The following ZNF516 variants were observed in gnomAD, a reference collection of about 807,000 sequenced individuals.
ZNF516 encodes the protein zinc finger protein 516.
ZNF516 carries 19 observed loss-of-function variants against 79.7 expected under a neutral mutation model. That is an observed-to-expected ratio of 0.24 (90% CI 0.17 to 0.35). The LOEUF is 0.35. ZNF516 is among the 10% of genes least tolerant of loss of function. The probability of loss-of-function intolerance (pLI) is 1.00; values close to 1 mark genes in which losing one functional copy is unlikely to be tolerated. For missense variants in ZNF516, 1,678 were observed against 1,679.5 expected (o/e 1.00, Z 0.02); for synonymous variants, 877 against 739.5 (o/e 1.19, Z -3.02).
At chr18:76,404,805 T>C (rs912217888) in intron 3 of ZNF516, among the ~76,000 whole-genome samples, 3 of 151,126 alleles carry the variant, frequency 2.0e-5, no homozygotes, top group Non-Finnish European at 3.0e-5. Context: ...GTGTGCATGT[T>C]AGCATGTGTG....
At chr18:76,473,914 G>C (rs1599146271) in intron 1 of ZNF516, among the ~76,000 whole-genome samples, 1 of 137,046 alleles carries the variant, frequency 7.3e-6, no homozygotes, top group Admixed American at 7.2e-5. Flanking sequence ...GGGGGGGGGG[G>C]GGGCTTTCTT....
intron 1 of ZNF516, among the ~76,000 whole-genome samples, chr18:76,464,539 T>C (rs1055050168): frequency 9.2e-5 from 14 of 152,072 alleles, no homozygotes; most frequent in Admixed American, 8.5e-4. Flanking sequence ...TGCGCAGTGA[T>C]AGGGGACAGT....
chr18:76,417,843 A>G (rs2075451674), intron 3 of ZNF516, among the ~76,000 whole-genome samples: 2 of 152,252 alleles, frequency 1.3e-5, no homozygotes, highest in Non-Finnish European at 2.9e-5. Flanking sequence ...CTGAAAAATG[A>G]TATTTAAATA....
At chr18:76,480,655 TGGGATTACA>T (rs1234986070) in intron 1 of ZNF516, among the ~76,000 whole-genome samples, 2 of 152,022 alleles carry the variant, frequency 1.3e-5, no homozygotes, top group Admixed American at 1.3e-4. Context: ...CCCAAGTAGC[TGGGATTACA>T]GGCACCCGCC....
Position 76,433,596 on chromosome 18 carries a change from C to T in ZNF516, c.1810+7649G>A, listed in dbSNP as rs1001100817. Among the ~76,000 whole-genome samples, 4 of 152,232 alleles carry T rather than the reference C, an allele frequency of 2.6e-5. No homozygotes were observed. In the South Asian group the frequency reaches 6.2e-4, roughly 24 times the overall value. On this transcript the variant is annotated intron_variant, in intron 3 of 6. Coordinates refer to ENST00000443185, the MANE Select transcript of ZNF516 (RefSeq NM_014643.4). ...GAGCCTTGAGTCTGGGCATAGCATC[C>T]GGGTCACAGCAAGGTGGAGAGGGGA...
intron 3 of ZNF516, among the ~76,000 whole-genome samples, chr18:76,440,797 G>A (rs1190096792): frequency 2.6e-5 from 4 of 151,468 alleles, no homozygotes; most frequent in African/African-American, 9.7e-5. Flanking sequence ...GGTGAGAACT[G>A]GGTCTGAAGC....
intron 3 of ZNF516, among the ~76,000 whole-genome samples, chr18:76,438,134 A>G (rs2075768024): frequency 6.6e-6 from 1 of 152,254 alleles, no homozygotes; most frequent in South Asian, 2.1e-4. Context: ...TGGCCTGGGC[A>G]CCAGGCATCC....
intron 2 of ZNF516, among the ~76,000 whole-genome samples, chr18:76,449,983 T>C (rs922826092): frequency 5.3e-5 from 8 of 152,224 alleles, no homozygotes; most frequent in East Asian, 1.9e-4. Flanking sequence ...GAACTCTTCG[T>C]AGAAATTAAA....
chr18:76,366,431 C>G (rs1181968066), intron 6 of ZNF516, among the ~76,000 whole-genome samples: 2 of 152,218 alleles, frequency 1.3e-5, no homozygotes, highest in African/African-American at 2.4e-5. Flanking sequence ...ACACTTTTCT[C>G]AAACTCACGG....
intron 1 of ZNF516, among the ~76,000 whole-genome samples, chr18:76,466,828 T>C (rs1321077369): frequency 6.6e-6 from 1 of 152,148 alleles, no homozygotes; most frequent in African/African-American, 2.4e-5. Flanking sequence ...GGAGACAGGA[T>C]GACACAGAAG....
chr18:76,381,657 C>T (rs150284165), intron 3 of ZNF516, among the ~76,000 whole-genome samples: 25 of 152,262 alleles, frequency 1.6e-4, no homozygotes, highest in Middle Eastern at 6.8e-3. Context: ...CTGAGGGACA[C>T]GGTAACAAAT....
In ZNF516 at chr18:76,442,196, C is replaced by T. The variant is rs1410463876; in HGVS notation, c.859G>A (p.Glu287Lys). 1 of 1,613,766 alleles carries T rather than the reference C, an allele frequency of 6.2e-7. No homozygotes were observed. Among genetic ancestry groups the T allele is most frequent in the Non-Finnish European group, 8.5e-7 (1 of 1,179,882 alleles). The change falls in exon 3 of 7, where the codon GAG (glutamate) becomes AAG (lysine). Residue 287 changes from glutamate to lysine, a missense_variant. Coordinates refer to ENST00000443185, the MANE Select transcript of ZNF516 (RefSeq NM_014643.4). ...GCHICGRRFK[E>K]PWFLKNHMKA... is the part of the protein sequence containing the mutation. ...ATGTGGTTCTTGAGGAACCAGGGCT[C>T]CTTGAACCTACGGCCGCAGATGTGG...
In ZNF516 at chr18:76,359,102, A is replaced by AG. The variant is rs2074495765; in HGVS notation, c.*3395dup. The stretch of plus-strand genomic sequence containing the variant: ...GCGACCTGTGCACAGTGGCCGGATC[A>AG]GGGGTGGGGGCCTGTCATACTGGGC... On this transcript the variant is annotated 3_prime_UTR_variant, in exon 7 of 7. Coordinates refer to ENST00000443185, the MANE Select transcript of ZNF516 (RefSeq NM_014643.4). 1 of 152,230 alleles carries AG rather than the reference A, an allele frequency of 6.6e-6. No individual in the cohort carries two copies. Among genetic ancestry groups the AG allele is most frequent in the Non-Finnish European group, 1.5e-5 (1 of 68,070 alleles). 9.4% of individuals were successfully genotyped at this position (152,230 alleles called of 1,614,324 possible). A position where few individuals can be genotyped will look rare whatever the true frequency, so the allele number is the denominator to read the frequency against.
chr18:76,440,387 G>A (rs1221716956), intron 3 of ZNF516, among the ~76,000 whole-genome samples: 2 of 152,192 alleles, frequency 1.3e-5, no homozygotes, highest in African/African-American at 2.4e-5. Context: ...CAGGTAAAAA[G>A]CAACAGTCAG....
intron 3 of ZNF516, chr18:76,389,527 T>G (rs2075040157): frequency 6.6e-6 from 1 of 152,136 alleles, no homozygotes; most frequent in Admixed American, 6.5e-5. Flanking sequence ...CGCACGCACA[T>G]GGAGGCATGA....
At chr18:76,366,280 G>A (rs962134970) in intron 6 of ZNF516, among the ~76,000 whole-genome samples, 2 of 152,132 alleles carry the variant, frequency 1.3e-5, no homozygotes, top group African/African-American at 4.8e-5. Flanking sequence ...CAATTTCTCA[G>A]AATTTTCCAG....
chr18:76,368,527 C>T (rs986720574), intron 6 of ZNF516, among the ~76,000 whole-genome samples: 1 of 97,792 alleles, frequency 1.0e-5, no homozygotes, highest in Admixed American at 9.9e-5. Flanking sequence ...GGAAAGCTCA[C>T]CCACCGAGAT....
At chr18:76,412,613 G>A (rs2075385592) in intron 3 of ZNF516, among the ~76,000 whole-genome samples, 1 of 152,306 alleles carries the variant, frequency 6.6e-6, no homozygotes, top group East Asian at 1.9e-4. Flanking sequence ...AATAGAGGAA[G>A]GGAGGGGAGG....
At chr18:76,412,697 C>T (rs1189192790) in intron 3 of ZNF516, among the ~76,000 whole-genome samples, 1 of 152,224 alleles carries the variant, frequency 6.6e-6, no homozygotes, top group African/African-American at 2.4e-5. Flanking sequence ...TGTGGCCCCA[C>T]GTGACAAAGT....
Sources: allele counts gnomAD v4.1 joint callset (sites outside exome capture counted in the v4.1 genomes callset), GRCh38; gene constraint gnomAD v4.1.1; transcripts MANE v1.5; gene names NCBI Gene and HGNC (gene_info 2026-07-23, HGNC 2026-07-21).